Variants in LRRC28 observed in about 807,000 individuals in gnomAD.
LRRC28 encodes the protein leucine-rich repeat-containing protein 28.
Under a neutral mutation model 45.7 loss-of-function variants are expected in LRRC28, and 39 were observed. The observed-to-expected ratio is 0.85, with a 90% CI of 0.66 to 1.12. The LOEUF is 1.12. Ranked by LOEUF, LRRC28 falls within the 50% of genes most tolerant of loss-of-function variation. The probability of loss-of-function intolerance (pLI) is 0.00; values close to 1 mark genes in which losing one functional copy is unlikely to be tolerated. For synonymous variants in LRRC28, 206 were observed against 178.8 expected (o/e 1.15, Z -1.22); for missense variants, 435 against 438.5 (o/e 0.99, Z 0.07).
In LRRC28 at chr15:99,387,295, C is replaced by A. The variant is rs532693131; in HGVS notation, c.*1193C>A. Reference sequence around the variant, plus strand: ...CGGGATGGTCTCGATCTCCTGACCTCGTGATCCGCACGCCTCGGCCTCCCA... The same window carrying A: ...CGGGATGGTCTCGATCTCCTGACCTAGTGATCCGCACGCCTCGGCCTCCCA... On this transcript the variant is annotated 3_prime_UTR_variant, in exon 10 of 10. Coordinates refer to ENST00000301981, the MANE Select transcript of LRRC28 (RefSeq NM_144598.5). 1 of 151,778 alleles carries A rather than the reference C, an allele frequency of 6.6e-6. No individual in the cohort carries two copies. Among genetic ancestry groups the A allele is most frequent in the Admixed American group, 6.6e-5 (1 of 15,210 alleles). The allele number at this position is 151,778 out of a possible 1,614,324, so 9.4% of individuals were successfully genotyped here.
intron 6 of LRRC28, among the ~76,000 whole-genome samples, chr15:99,340,817 G>A (rs1020251050): frequency 2.0e-5 from 3 of 152,148 alleles, no homozygotes; most frequent in African/African-American, 7.2e-5. Flanking sequence ...TTGCTGGGCA[G>A]GTCTCTATCT....
chr15:99,330,413 G>A (rs1008154396), intron 5 of LRRC28, among the ~76,000 whole-genome samples: 2 of 151,906 alleles, frequency 1.3e-5, no homozygotes, highest in African/African-American at 2.4e-5. Context: ...TATAATGTTA[G>A]GCTCTCGTTA....
chr15:99,318,353 A>G (rs1377541426), intron 5 of LRRC28, among the ~76,000 whole-genome samples: 4 of 152,122 alleles, frequency 2.6e-5, no homozygotes, highest in Admixed American at 6.5e-5. Context: ...TAAAAATATA[A>G]CAGGTGCTTA....
chr15:99,296,002 C>G (rs1208455970), intron 5 of LRRC28, among the ~76,000 whole-genome samples: 1 of 152,162 alleles, frequency 6.6e-6, no homozygotes, highest in Non-Finnish European at 1.5e-5. Flanking sequence ...GTTTATTGAT[C>G]TCATGTGGAG....
Position 99,386,236 on chromosome 15 carries a change from C to G in LRRC28, c.*134C>G. 1.4e-6 allele frequency: 1 copy of G among 709,284 alleles called. No homozygotes were observed. Among genetic ancestry groups the G allele is most frequent in the Non-Finnish European group, 2.4e-6 (1 of 409,056 alleles). 43.9% of individuals were successfully genotyped at this position (709,284 alleles called of 1,614,324 possible). Reference sequence around the variant, plus strand: ...CTCTAGAAATGTCATGATTGAGCTTCAGAGCTAAAATGCCTTCACCCTTCC... The same window carrying G: ...CTCTAGAAATGTCATGATTGAGCTTGAGAGCTAAAATGCCTTCACCCTTCC... On this transcript the variant is annotated 3_prime_UTR_variant, in exon 10 of 10. Transcript: ENST00000301981.
intron 9 of LRRC28, among the ~76,000 whole-genome samples, chr15:99,367,544 C>G (rs1241859501): frequency 6.6e-6 from 1 of 152,166 alleles, no homozygotes; most frequent in Non-Finnish European, 1.5e-5. Context: ...CTCTCATGAC[C>G]TAATCACCTC....
At chr15:99,341,328 C>G (rs1038386045) in intron 6 of LRRC28, among the ~76,000 whole-genome samples, 2 of 151,978 alleles carry the variant, frequency 1.3e-5, no homozygotes, top group Admixed American at 6.6e-5. Flanking sequence ...CTGACCTCAG[C>G]TGATCCACCT....
At chr15:99,357,565 G>A (rs1475348270) in intron 7 of LRRC28, among the ~76,000 whole-genome samples, 1 of 152,162 alleles carries the variant, frequency 6.6e-6, no homozygotes, top group Non-Finnish European at 1.5e-5. Flanking sequence ...TGGGGTATGG[G>A]TTTTGCTTAG....
chr15:99,261,946 T>C (rs1680271556), intron 2 of LRRC28, among the ~76,000 whole-genome samples: 2 of 152,124 alleles, frequency 1.3e-5, no homozygotes, highest in African/African-American at 4.8e-5. Flanking sequence ...CGTGAGCCAC[T>C]GTGCCCGGCT....
intron 2 of LRRC28, among the ~76,000 whole-genome samples, 199 bp from the exon 3 acceptor site, chr15:99,276,377 G>A (rs1049928808): frequency 8.5e-5 from 13 of 152,060 alleles, no homozygotes; most frequent in African/African-American, 2.9e-4. Context: ...AAGGGACATT[G>A]TTTTTTAATG....
intron 5 of LRRC28, among the ~76,000 whole-genome samples, chr15:99,307,132 TTG>T (rs1491190626): frequency 6.7e-6 from 1 of 148,728 alleles, no homozygotes; most frequent in Non-Finnish European, 1.5e-5. Context: ...CATGTTTTCA[TTG>T]AGAGAGAGAG....
At chr15:99,271,032 C>T (rs1597191806) in intron 2 of LRRC28, among the ~76,000 whole-genome samples, 2 of 152,134 alleles carry the variant, frequency 1.3e-5, no homozygotes, top group Admixed American at 6.6e-5. Flanking sequence ...TTGAGCATCT[C>T]TACATGTGCT....
At chr15:99,276,742 A>G in intron 3 of LRRC28, 126 bp downstream of exon 3, 1 of 628,962 alleles carries the variant, frequency 1.6e-6, no homozygotes, top group Admixed American at 3.9e-5. Context: ...CATGGTACTC[A>G]TGTAGGTAGA....
chr15:99,258,063 C>T (rs2081077908), intron 2 of LRRC28: 1 of 1,463,130 alleles, frequency 6.8e-7, no homozygotes, highest in African/African-American at 1.4e-5. Context: ...CTGCATGTCA[C>T]AGACACTGGT....
chr15:99,281,867 C>G (rs1421487060), intron 3 of LRRC28, among the ~76,000 whole-genome samples: 1 of 151,504 alleles, frequency 6.6e-6, no homozygotes, highest in Non-Finnish European at 1.5e-5. Flanking sequence ...CATACTTGCT[C>G]AGAACTTGAA....
chr15:99,286,406 C>T (rs1030086207), intron 3 of LRRC28, among the ~76,000 whole-genome samples: 17 of 152,214 alleles, frequency 1.1e-4, no homozygotes, highest in Admixed American at 9.2e-4. Flanking sequence ...GCTGGGATTA[C>T]AGGCGTGAGC....
chr15:99,368,335 T>C (rs1467953719), intron 9 of LRRC28, among the ~76,000 whole-genome samples: 2 of 152,164 alleles, frequency 1.3e-5, no homozygotes, highest in Non-Finnish European at 2.9e-5. Flanking sequence ...AGGAATAGGA[T>C]AGACATTCCT....
intron 5 of LRRC28, among the ~76,000 whole-genome samples, chr15:99,332,907 CA>C (rs1199871225): frequency 1.3e-5 from 2 of 151,832 alleles, no homozygotes; most frequent in Admixed American, 6.6e-5. Flanking sequence ...GACTCGGGAA[CA>C]GGGACAGGAT....
intron 5 of LRRC28, among the ~76,000 whole-genome samples, chr15:99,295,855 G>A (rs1233905493): frequency 6.6e-6 from 1 of 152,162 alleles, no homozygotes; most frequent in East Asian, 1.9e-4. Flanking sequence ...GGCTTCAAGT[G>A]TAGTCAAATT....
Sources: allele counts gnomAD v4.1 joint callset (sites outside exome capture counted in the v4.1 genomes callset), GRCh38; gene constraint gnomAD v4.1.1; transcripts MANE v1.5; gene names NCBI Gene and HGNC (gene_info 2026-07-23, HGNC 2026-07-21).